KIRREL3: variants seen among roughly 807,000 people sequenced by gnomAD.
KIRREL3 encodes kirre like nephrin family adhesion molecule 3.
In KIRREL3, 36 loss-of-function variants were observed where a neutral mutation model predicts 89.7. The observed-to-expected ratio is 0.40, with a 90% CI of 0.31 to 0.53. The LOEUF (loss-of-function observed/expected upper bound fraction) is 0.53. Ranked by LOEUF, KIRREL3 falls within the 20% of genes least tolerant of loss-of-function variation. The pLI is 0.49. For synonymous variants in KIRREL3, 445 were observed against 441.4 expected (o/e 1.01, Z -0.10); for missense variants, 864 against 1,056.6 (o/e 0.82, Z 2.53).
chr11:126,451,500 GTGTGAGTGTGTCCATT>G (rs1479358288), intron 7 of KIRREL3, among the ~76,000 whole-genome samples: 7 of 150,880 alleles, frequency 4.6e-5, no homozygotes, highest in Non-Finnish European at 1.5e-5. Flanking sequence ...GTGTGTGCAT[GTGTGAGTGTGTCCATT>G]TGTGAGTGGG....
chr11:126,643,807 G>T lies in KIRREL3; in HGVS notation c.56-80895C>A, dbSNP rs1015479456. Among the ~76,000 whole-genome samples, 4 of 152,190 alleles carry T rather than the reference G, an allele frequency of 2.6e-5. No homozygotes were observed. Among genetic ancestry groups the T allele is most frequent in the African/African-American group, 7.2e-5 (3 of 41,448 alleles). ...GGAGGAAATAGAAAAGAGTTATTAT[G>T]AACTGGTGACCAAAAAGATGAAGAG... is the stretch of plus-strand genomic sequence containing the variant. On this transcript the variant is annotated intron_variant, in intron 1 of 16. Transcript: ENST00000525144. The surrounding 1 kb of genome is among the most constrained non-coding windows in gnomAD (Gnocchi z 4.5).
Position 126,562,915 on chromosome 11 carries a change from G to T in KIRREL3, c.56-3C>A. 6.2e-7 allele frequency: 1 copy of T among 1,613,054 alleles called. No homozygotes were observed. The highest frequency in any genetic ancestry group is 8.5e-7 in the Non-Finnish European group (1 of 1,179,176). ...TCCTCTCTTCTGGAGGCCCAGCTCTGGAAGAGAAGCATAGGTGGGTGAGTT... is the reference window on the plus strand; with the variant it reads ...TCCTCTCTTCTGGAGGCCCAGCTCTTGAAGAGAAGCATAGGTGGGTGAGTT... On this transcript the variant is annotated splice_polypyrimidine_tract_variant and splice_region_variant and intron_variant, in intron 1 of 16. Coordinates refer to ENST00000525144, the MANE Select transcript of KIRREL3 (RefSeq NM_032531.4). This position sits in a 1 kb window ranked among gnomAD's most constrained non-coding sequence, Gnocchi z 4.7.
Position 126,719,861 on chromosome 11 carries a change from C to T in KIRREL3, c.56-156949G>A, listed in dbSNP as rs2134166906. ...CCCTGCTTCTTCCCTGCTTCAGCCT[C>T]TTCTTAACCCAGTGGCCACAGCCAT... On this transcript the variant is annotated intron_variant, in intron 1 of 16. Coordinates refer to ENST00000525144, the MANE Select transcript of KIRREL3 (RefSeq NM_032531.4). The surrounding 1 kb of genome is among the most constrained non-coding windows in gnomAD (Gnocchi z 4.7). Among the ~76,000 whole-genome samples the T allele has an allele frequency of 6.6e-6, 1 of 152,354 alleles. No homozygotes were observed. Among genetic ancestry groups the T allele is most frequent in the East Asian group, 1.9e-4 (1 of 5,182 alleles).
At chr11:126,800,557 G>A in intron 1 of KIRREL3, among the ~76,000 whole-genome samples, 1 of 152,130 alleles carries the variant, frequency 6.6e-6, no homozygotes, top group Non-Finnish European at 1.5e-5. Context: ...CCTCTTGTAT[G>A]TACCATAAAA....
intron 1 of KIRREL3, among the ~76,000 whole-genome samples, chr11:126,793,269 G>T (rs1341899910): frequency 6.6e-6 from 1 of 152,196 alleles, no homozygotes; most frequent in Non-Finnish European, 1.5e-5. Context: ...CTTTCTTGTT[G>T]TATTCACTGG....
chr11:126,925,456 G>A (rs1052168696), intron 1 of KIRREL3, among the ~76,000 whole-genome samples: 2 of 152,178 alleles, frequency 1.3e-5, no homozygotes, highest in African/African-American at 2.4e-5. Flanking sequence ...GGCTGCCTGA[G>A]GCCAGCTTGG....
rs59456540 is a variant in KIRREL3 at position 126,918,197 on chromosome 11, C to T, written c.55+82258G>A. On this transcript the variant is annotated intron_variant, in intron 1 of 16. Coordinates refer to ENST00000525144, the MANE Select transcript of KIRREL3 (RefSeq NM_032531.4). The surrounding 1 kb of genome is among the most constrained non-coding windows in gnomAD (Gnocchi z 6.5). The stretch of plus-strand genomic sequence containing the variant: ...GCAAAAGAAATGTTCATTGCCTACT[C>T]GCTCATCATGGTGCTTCCCTCCCAT... 0.13 allele frequency among the ~76,000 whole-genome samples: 19,826 copies of T among 152,196 alleles called. 1,593 individuals carry two copies. Among genetic ancestry groups the T allele is most frequent in the East Asian group, 0.4 (2,080 of 5,174 alleles).
intron 11 of KIRREL3, among the ~76,000 whole-genome samples, chr11:126,437,960 A>G (rs947138413): frequency 5.3e-5 from 8 of 152,308 alleles, no homozygotes; most frequent in Non-Finnish European, 1.0e-4. Context: ...ACATGCCATG[A>G]CACATGTACA....
chr11:126,962,619 G>A (rs112898968), intron 1 of KIRREL3, among the ~76,000 whole-genome samples: 499 of 152,310 alleles, frequency 3.3e-3, no homozygotes, highest in African/African-American at 0.011. Flanking sequence ...TATCCAATAA[G>A]CTTAGGTGAT....
At position 126,656,293 on chromosome 11, in the gene KIRREL3, A is replaced by T. The variant is rs1304519479; in HGVS notation, c.56-93381T>A. 1 of 339,302 alleles carries T rather than the reference A, an allele frequency of 2.9e-6. No individual in the cohort carries two copies. Among genetic ancestry groups the T allele is most frequent in the African/African-American group, 2.2e-5 (1 of 46,352 alleles). 21.0% of individuals were successfully genotyped at this position (339,302 alleles called of 1,614,324 possible). On this transcript the variant is annotated intron_variant, in intron 1 of 16. Transcript: ENST00000525144. This position sits in a 1 kb window ranked among gnomAD's most constrained non-coding sequence, Gnocchi z 4.0. ...TTCTTAACCATAACCTCCATGATTC[A>T]GTTTCTTCATTTGCAAAATAATTTA...
At chr11:126,718,352 C>G (rs907299739) in intron 1 of KIRREL3, among the ~76,000 whole-genome samples, 2 of 151,102 alleles carry the variant, frequency 1.3e-5, no homozygotes, top group African/African-American at 4.9e-5. Context: ...GTGCAAGTTG[C>G]GGAACCCAAC....
At chr11:126,438,120 C>T (rs1591531606) in intron 11 of KIRREL3, among the ~76,000 whole-genome samples, 2 of 152,396 alleles carry the variant, frequency 1.3e-5, no homozygotes, top group East Asian at 3.9e-4. Context: ...GGCCTGCGCA[C>T]TGCGCCTCCA....
chr11:126,828,975 A>G (rs1943512191), intron 1 of KIRREL3, among the ~76,000 whole-genome samples: 1 of 152,126 alleles, frequency 6.6e-6, no homozygotes, highest in Non-Finnish European at 1.5e-5. Flanking sequence ...CACTGCTGTG[A>G]TTCCTCTGGA....
rs188709814 is a variant in KIRREL3 at position 126,896,694 on chromosome 11, C to G, written c.55+103761G>C. On this transcript the variant is annotated intron_variant, in intron 1 of 16. Transcript: ENST00000525144. The surrounding 1 kb of genome is among the most constrained non-coding windows in gnomAD (Gnocchi z 4.1). ...TTCTTTTGAGGGCCGTTGCTCTTCT[C>G]AGACACCCAGGGGAGGGGTTCCATG... Among the ~76,000 whole-genome samples, 2 of 152,254 alleles carry G rather than the reference C, an allele frequency of 1.3e-5. No individual in the cohort carries two copies. Among genetic ancestry groups the G allele is most frequent in the East Asian group, 3.9e-4 (2 of 5,164 alleles).
At chr11:126,540,068 G>A (rs1259661807) in intron 2 of KIRREL3, among the ~76,000 whole-genome samples, 1 of 152,114 alleles carries the variant, frequency 6.6e-6, no homozygotes, top group Non-Finnish European at 1.5e-5. Flanking sequence ...CTTTAGACTG[G>A]GATTGGAAAT....
chr11:126,906,674 T>A lies in KIRREL3; in HGVS notation c.55+93781A>T, dbSNP rs1264667581. ...ATTCACCAAAAATCAGGACTAGCAT[T>A]AAACCCAGAAGATGTGAACTGCACG... On this transcript the variant is annotated intron_variant, in intron 1 of 16. Transcript: ENST00000525144. The surrounding 1 kb of genome is among the most constrained non-coding windows in gnomAD (Gnocchi z 4.1). 6.6e-6 allele frequency among the ~76,000 whole-genome samples: 1 copy of A among 152,174 alleles called. No homozygotes were observed. Among genetic ancestry groups the A allele is most frequent in the Non-Finnish European group, 1.5e-5 (1 of 68,036 alleles).
At chr11:126,777,054 A>G (rs1241101485) in intron 1 of KIRREL3, among the ~76,000 whole-genome samples, 1 of 152,222 alleles carries the variant, frequency 6.6e-6, no homozygotes, top group Non-Finnish European at 1.5e-5. Context: ...GTCCTGGAAC[A>G]GCATAACCAG....
At chr11:126,503,853 C>T (rs1014245257) in intron 4 of KIRREL3, among the ~76,000 whole-genome samples, 6 of 151,326 alleles carry the variant, frequency 4.0e-5, no homozygotes, top group African/African-American at 1.5e-4. Context: ...CCCTTTATCT[C>T]CCTCTTCCTC....
At chr11:127,002,978 T>TC (rs1287033370), upstream of KIRREL3, 1 of 100,196 alleles carries the variant, frequency 1.0e-5, no homozygotes, top group Non-Finnish European at 2.1e-5. Flanking sequence ...CGCTCTCCCA[T>TC]TGGCCCCCAA....
Sources: gnomAD v4.1 joint callset for allele counts (sites outside exome capture counted in the v4.1 genomes callset) on GRCh38, gnomAD v4.1.1 for gene constraint, Gnocchi (gnomAD v3.1) non-coding constraint, MANE v1.5 for transcripts, NCBI Gene and HGNC (gene_info 2026-07-23, HGNC 2026-07-21) for gene names.